The following GPAM variants were observed in gnomAD, a reference collection of about 807,000 sequenced individuals.
GPAM encodes glycerol-3-phosphate acyltransferase 1, mitochondrial.
GPAM carries 56 observed loss-of-function variants against 105.0 expected under a neutral mutation model. The observed-to-expected ratio is 0.53, with a 90% CI of 0.43 to 0.67. The LOEUF is 0.67. GPAM is among the 30% of genes least tolerant of loss of function. The pLI is 0.00. For missense variants in GPAM, 855 were observed against 989.8 expected (o/e 0.86, Z 1.83); for synonymous variants, 368 against 354.4 (o/e 1.04, Z -0.43).
At chr10:112,220,796 A>C in the GPAM span, among the ~76,000 whole-genome samples, 2 of 152,024 alleles carry the variant, frequency 1.3e-5, no homozygotes, top group Non-Finnish European at 2.9e-5. Flanking sequence ...TGTCATGACC[A>C]AACTAAACCC....
chr10:112,197,742 GT>G (rs1268804029), intron 1 of GPAM, among the ~76,000 whole-genome samples: 7 of 147,332 alleles, frequency 4.8e-5, no homozygotes, highest in Non-Finnish European at 1.5e-5. Flanking sequence ...GCGGTGTTTG[GT>G]TTTTTGTTCT....
chr10:112,181,781 C>T lies in GPAM; in HGVS notation c.4G>A (p.Asp2Asn), dbSNP rs1435108440. 1 of 1,570,412 alleles carries T rather than the reference C, an allele frequency of 6.4e-7. No homozygotes were observed. The highest frequency in any genetic ancestry group is 2.2e-5 in the East Asian group (1 of 44,612). Reference sequence around the variant, plus strand: ...GTACCAAGGGTCAGTGCAGATTCATCCATGTCACAAAGTGTAATTCCCAAA... The same window carrying T: ...GTACCAAGGGTCAGTGCAGATTCATTCATGTCACAAAGTGTAATTCCCAAA... M[D>N]ESALTLGTID... The change falls in exon 3 of 22, where the codon GAT becomes AAT. Residue 2 changes from aspartate to asparagine, a missense_variant. Coordinates refer to ENST00000348367, the MANE Select transcript of GPAM (RefSeq NM_001244949.2).
At chr10:112,219,343 C>A (rs1009494541), upstream of GPAM, among the ~76,000 whole-genome samples, 19 of 152,132 alleles carry the variant, frequency 1.2e-4, no homozygotes, top group African/African-American at 4.3e-4. Context: ...GATGGAGATT[C>A]CAGTGCAAAG....
chr10:112,152,790 T>TA lies in GPAM; in HGVS notation c.*759dup. On this transcript the variant is annotated 3_prime_UTR_variant, in exon 22 of 22. Transcript: ENST00000348367. ...CATTTGAAACTCAATGGCACTTGTTTATATGAGCAAAAGCCTTCAACACCA... is the reference window on the plus strand; with the variant it reads ...CATTTGAAACTCAATGGCACTTGTTTAATATGAGCAAAAGCCTTCAACACCA... 1.4e-6 allele frequency: 1 copy of TA among 691,256 alleles called. No homozygotes were observed. Among genetic ancestry groups the TA allele is most frequent in the Non-Finnish European group, 1.8e-6 (1 of 561,492 alleles). 42.8% of individuals were successfully genotyped at this position (691,256 alleles called of 1,614,324 possible).
intron 1 of GPAM, among the ~76,000 whole-genome samples, chr10:112,212,790 T>C (rs1010866811): frequency 9.9e-5 from 15 of 152,102 alleles, no homozygotes; most frequent in African/African-American, 3.4e-4. Flanking sequence ...CTCTACCTCA[T>C]AAGGAGGAAA....
chr10:112,157,141 G>A lies in GPAM; in HGVS notation c.2121+108C>T. The A allele has an allele frequency of 4.1e-6, 4 of 967,284 alleles. No homozygotes were observed. The South Asian group carries it at 5.2e-5, about 12-fold the overall frequency. 59.9% of individuals were successfully genotyped at this position (967,284 alleles called of 1,614,324 possible). A position where few individuals can be genotyped will look rare whatever the true frequency, so the allele number is the denominator to read the frequency against. Reference sequence around the variant, plus strand: ...CACACAGAAGGTACCAGAGCTAGTTGGGGGATTCTTTAGATAAGAAGACAT... The same window carrying A: ...CACACAGAAGGTACCAGAGCTAGTTAGGGGATTCTTTAGATAAGAAGACAT... On this transcript the variant is annotated intron_variant, in intron 19 of 21. Coordinates refer to ENST00000348367, the MANE Select transcript of GPAM (RefSeq NM_001244949.2).
At chr10:112,199,127 G>GTGTGTA (rs1847762323) in intron 1 of GPAM, among the ~76,000 whole-genome samples, 1 of 149,828 alleles carries the variant, frequency 6.7e-6, no homozygotes, top group South Asian at 2.1e-4. Context: ...GTGTGTGTGT[G>GTGTGTA]TGTATTTTAG....
In GPAM at chr10:112,151,683, C is replaced by T. The variant is rs1296015569; in HGVS notation, c.*1867G>A. 74 of 985,072 alleles carry T rather than the reference C, an allele frequency of 7.5e-5. No homozygotes were observed. Among genetic ancestry groups the T allele is most frequent in the Non-Finnish European group, 8.3e-5 (69 of 829,806 alleles). The allele number at this position is 985,072 out of a possible 1,614,324, so 61.0% of individuals were successfully genotyped here. On this transcript the variant is annotated 3_prime_UTR_variant, in exon 22 of 22. Coordinates refer to ENST00000348367, the MANE Select transcript of GPAM (RefSeq NM_001244949.2). ...GCAGGGCAGAGTGTCGACTGGGAAGCGAGTCCCAATCTTGAATAATGGTGA... is the reference window on the plus strand; with the variant it reads ...GCAGGGCAGAGTGTCGACTGGGAAGTGAGTCCCAATCTTGAATAATGGTGA...
In GPAM at chr10:112,153,451, C is replaced by G. The variant is rs936373590; in HGVS notation, c.*99G>C. ...GGAGATCACTTCGGGACAGGGCAGG[C>G]CTGACCCTGCGATGGCACCTTCAAC... On this transcript the variant is annotated 3_prime_UTR_variant, in exon 22 of 22. Transcript: ENST00000348367. The G allele has an allele frequency of 6.2e-6, 10 of 1,601,828 alleles. No homozygotes were observed. The highest frequency in any genetic ancestry group is 8.5e-6 in the Non-Finnish European group (10 of 1,176,466).
chr10:112,165,080 T>G (rs1413220224), intron 12 of GPAM, among the ~76,000 whole-genome samples: 1 of 152,110 alleles, frequency 6.6e-6, no homozygotes, highest in African/African-American at 2.4e-5. Context: ...CAAGAAATGA[T>G]AAGGTTCTAA....
At chr10:112,167,559 CA>C (rs1211519108) in intron 11 of GPAM, among the ~76,000 whole-genome samples, 6 of 152,198 alleles carry the variant, frequency 3.9e-5, no homozygotes, top group African/African-American at 1.4e-4. Flanking sequence ...CTACATGCAA[CA>C]ATGTGGATGA....
intron 1 of GPAM, among the ~76,000 whole-genome samples, chr10:112,193,839 G>GA (rs1459186281): frequency 1.3e-5 from 2 of 152,152 alleles, no homozygotes; most frequent in African/African-American, 4.8e-5. Context: ...TCTTATGCTT[G>GA]AAAAACATAC....
intron 9 of GPAM, among the ~76,000 whole-genome samples, chr10:112,170,755 A>G (rs1227623231): frequency 6.6e-6 from 1 of 152,228 alleles, no homozygotes; most frequent in Non-Finnish European, 1.5e-5. Flanking sequence ...ACACGCTATT[A>G]CAGCTAGCTG....
intron 1 of GPAM, among the ~76,000 whole-genome samples, chr10:112,201,404 T>C (rs369443189): frequency 3.4e-4 from 52 of 152,344 alleles, no homozygotes; most frequent in African/African-American, 1.1e-3. Flanking sequence ...GCCAATTATC[T>C]TTTCAGGAAC....
intron 1 of GPAM, among the ~76,000 whole-genome samples, chr10:112,190,844 T>G (rs994956323): frequency 4.6e-5 from 7 of 152,174 alleles, no homozygotes; most frequent in Non-Finnish European, 4.4e-5. Flanking sequence ...GGCAGAATCT[T>G]CCAAAATGCT....
At chr10:112,183,941 G>T (rs1023914897), upstream of GPAM, among the ~76,000 whole-genome samples, 1 of 152,212 alleles carries the variant, frequency 6.6e-6, no homozygotes, top group African/African-American at 2.4e-5. Context: ...CGCCTGGACA[G>T]ATGGTTACCC....
Position 112,166,447 on chromosome 10 carries a change from G to C in GPAM, c.1176C>G (p.Asn392Lys). The change falls in exon 12 of 22, where the codon AAC (asparagine) becomes AAG (lysine). Residue 392 changes from asparagine (N) to lysine (K), a missense_variant. By Grantham distance (94) the Asn-to-Lys change is moderately conservative. Coordinates refer to ENST00000348367, the MANE Select transcript of GPAM (RefSeq NM_001244949.2). ...ARGVIRMLRK[N>K]YGCVRVDFAQ... ...CAAAATCCACTCGGACACAACCATA[G>C]TTTTTTCGTAACATTCTAATAACAC... The C allele has an allele frequency of 5.0e-6, 8 of 1,611,642 alleles. No homozygotes were observed. The highest frequency in any genetic ancestry group is 5.9e-6 in the Non-Finnish European group (7 of 1,177,704).
At chr10:112,171,988 T>C (rs1484757090) in intron 9 of GPAM, among the ~76,000 whole-genome samples, 194 bp downstream of exon 9, 1 of 152,168 alleles carries the variant, frequency 6.6e-6, no homozygotes, top group African/African-American at 2.4e-5. Context: ...ATAAAATATA[T>C]AAATAATGAT....
rs754533653 is a variant in GPAM at position 112,155,858 on chromosome 10, A to G, written c.2311+6T>C. On this transcript the variant is annotated splice_donor_region_variant and intron_variant, in intron 20 of 21. Coordinates refer to ENST00000348367, the MANE Select transcript of GPAM (RefSeq NM_001244949.2). ...TTTTAAAAGAATAAATAGTGACTTA[A>G]CATACCATATACTGCAACATTTCTT... 5.9e-6 allele frequency: 9 copies of G among 1,525,818 alleles called. No individual in the cohort carries two copies. Among genetic ancestry groups the G allele is most frequent in the Non-Finnish European group, 8.2e-6 (9 of 1,100,556 alleles). The allele number at this position is 1,525,818 out of a possible 1,614,324, so 94.5% of individuals were successfully genotyped here. A position where few individuals can be genotyped will look rare whatever the true frequency, so the allele number is the denominator to read the frequency against.
Sources: allele counts gnomAD v4.1 joint callset (sites outside exome capture counted in the v4.1 genomes callset), GRCh38; gene constraint gnomAD v4.1.1; transcripts MANE v1.5; gene names NCBI Gene and HGNC (gene_info 2026-07-23, HGNC 2026-07-21).